The following PTCH2 variants were observed in gnomAD, a reference collection of about 807,000 sequenced individuals.
The protein encoded by PTCH2 is protein patched homolog 2.
Under a neutral mutation model 117.9 loss-of-function variants are expected in PTCH2, and 96 were observed. The ratio of observed to expected loss-of-function variants is 0.81; its 90% CI spans 0.69 to 0.96. PTCH2 has a LOEUF of 0.96. PTCH2 is among the 50% of genes least tolerant of loss of function. The pLI, the probability that PTCH2 is intolerant of heterozygous loss-of-function variation, is 0.00. For synonymous variants in PTCH2, 615 were observed against 660.9 expected (o/e 0.93, Z 1.06); for missense variants, 1,379 against 1,562.5 (o/e 0.88, Z 1.98).
rs770273805 is a variant in PTCH2, at chr1:44,826,893, A to G, written c.2695+9T>C. ...CTGAGGCTCTTGCCGAGCTCCCCCCAAGACTCACTGCGAAGGTTCTCCCCC... is the reference window on the plus strand; with the variant it reads ...CTGAGGCTCTTGCCGAGCTCCCCCCGAGACTCACTGCGAAGGTTCTCCCCC... On this transcript the variant is annotated intron_variant, in intron 17 of 21. Transcript: ENST00000372192. This position sits in a 1 kb window ranked among gnomAD's most constrained non-coding sequence, Gnocchi z 5.1. 1 of 1,613,894 alleles carries G rather than the reference A, an allele frequency of 6.2e-7. No homozygotes were observed. Among genetic ancestry groups the G allele is most frequent in the Non-Finnish European group, 8.5e-7 (1 of 1,179,994 alleles).
Position 44,827,097 on chromosome 1 carries a change from AG to A in PTCH2, c.2515-16del. 1 of 1,613,882 alleles carries A rather than the reference AG, an allele frequency of 6.2e-7. No individual in the cohort carries two copies. The highest frequency in any genetic ancestry group is 8.5e-7 in the Non-Finnish European group (1 of 1,179,874). On this transcript the variant is annotated splice_polypyrimidine_tract_variant and intron_variant, in intron 16 of 21. Coordinates refer to ENST00000372192, the MANE Select transcript of PTCH2 (RefSeq NM_003738.5). ...CTTGTGGTCAGCTGCAGAGGCAGAGAGGGCTGAAGGCCTGGGCCCAGGAGGC... is the reference window on the plus strand; with the variant it reads ...CTTGTGGTCAGCTGCAGAGGCAGAGAGGCTGAAGGCCTGGGCCCAGGAGGC...
At chr1:44,821,920 C>T, downstream of PTCH2, 1 of 1,362,690 alleles carries the variant, frequency 7.3e-7, no homozygotes, top group Non-Finnish European at 9.8e-7. Context: ...CAAAAAAAAG[C>T]ACTGAAGTCA....
rs577206258 is a variant in PTCH2 at position 44,823,660 on chromosome 1, C to A, written c.3115-275G>T. On this transcript the variant is annotated intron_variant, in intron 19 of 21. Transcript: ENST00000372192. This position sits in a 1 kb window ranked among gnomAD's most constrained non-coding sequence, Gnocchi z 5.1. ...CCCTGTCTCTTAAAACAAACAAGCC[C>A]GGGCACGGTGGCTCATGCCTGTAAT... is the stretch of plus-strand genomic sequence containing the variant. Among the ~76,000 whole-genome samples, 2 of 150,804 alleles carry A rather than the reference C, an allele frequency of 1.3e-5. No individual in the cohort carries two copies. The highest frequency in any genetic ancestry group is 3.0e-5 in the Non-Finnish European group (2 of 67,742).
chr1:44,824,973 A>G (rs546438175), intron 19 of PTCH2, among the ~76,000 whole-genome samples: 2 of 151,780 alleles, frequency 1.3e-5, no homozygotes, highest in Admixed American at 6.6e-5. Flanking sequence ...TGCCTGGCCC[A>G]TCCCACAATG....
chr1:44,821,143 A>G (rs886186817), downstream of PTCH2, among the ~76,000 whole-genome samples: 1 of 152,092 alleles, frequency 6.6e-6, no homozygotes. Context: ...GTCTATGTGA[A>G]CTAGACTATG....
At position 44,823,329 on chromosome 1, in the gene PTCH2, G is replaced by T. The variant is rs772273208; in HGVS notation, c.3171C>A (p.His1057Gln). The T allele has an allele frequency of 1.2e-6, 2 of 1,614,234 alleles. No individual in the cohort carries two copies. Among genetic ancestry groups the T allele is most frequent in the Non-Finnish European group, 1.7e-6 (2 of 1,180,042 alleles). The change falls in exon 20 of 22, where the codon CAC becomes CAA. Residue 1057 changes from histidine to glutamine, a missense_variant. Coordinates refer to ENST00000372192, the MANE Select transcript of PTCH2 (RefSeq NM_003738.5). This position sits in a 1 kb window ranked among gnomAD's most constrained non-coding sequence, Gnocchi z 5.1. ...CCCCATCGGTCACGGGGGCAAATGTGTGCTCAAGGGCATGGGCGGCCCGCA... is the reference window on the plus strand; with the variant it reads ...CCCCATCGGTCACGGGGGCAAATGTTTGCTCAAGGGCATGGGCGGCCCGCA... ...RNLRAAHALE[H>Q]TFAPVTDGAI...
chr1:44,840,579 C>T lies in PTCH2; in HGVS notation c.265+1268G>A, dbSNP rs547773264. On this transcript the variant is annotated intron_variant, in intron 2 of 21. Transcript: ENST00000372192. ...TACAAAAATTAGCCAGGCATGGTGT[C>T]GCCCACCTGTAATCTCAGCTACTTT... Among the ~76,000 whole-genome samples, 28 of 151,830 alleles carry T rather than the reference C, an allele frequency of 1.8e-4. No individual in the cohort carries two copies. The South Asian group carries it at 2.1e-3, about 11-fold the overall frequency.
chr1:44,830,021 C>T lies in PTCH2; in HGVS notation c.823G>A (p.Val275Met). The change falls in exon 7 of 22, where the codon GTG (valine) becomes ATG (methionine). Residue 275 changes from valine (V) to methionine (M), a missense_variant. Val to Met is a conservative substitution (Grantham distance 21, BLOSUM62 1). Transcript: ENST00000372192. ...PNHHSRQAPN[V>M]AHELSGGCHG... is the part of the protein sequence containing the mutation. ...CAGCCCCCACTCAGCTCGTGAGCCA[C>T]ATTGGGAGCCTGGAGGGGAACAGGA... The T allele has an allele frequency of 6.2e-7, 1 of 1,614,098 alleles. No individual in the cohort carries two copies. Among genetic ancestry groups the T allele is most frequent in the Non-Finnish European group, 8.5e-7 (1 of 1,180,004 alleles).
At position 44,831,877 on chromosome 1, in the gene PTCH2, T is replaced by A; in HGVS notation, c.526-80A>T. 1 of 1,574,620 alleles carries A rather than the reference T, an allele frequency of 6.4e-7. No homozygotes were observed. The highest frequency in any genetic ancestry group is 8.7e-7 in the Non-Finnish European group (1 of 1,144,358). Reference sequence around the variant, plus strand: ...CCCTCTGCAATCCCCCTCCTTAGTTTTAAGGGGGCAGATTGCAGGCTGTGG... The same window carrying A: ...CCCTCTGCAATCCCCCTCCTTAGTTATAAGGGGGCAGATTGCAGGCTGTGG... On this transcript the variant is annotated intron_variant, in intron 4 of 21. Transcript: ENST00000372192. This position sits in a 1 kb window ranked among gnomAD's most constrained non-coding sequence, Gnocchi z 4.3.
chr1:44,829,117 TG>T (rs766352268), intron 10 of PTCH2, 39 bp downstream of exon 10: 44 of 1,613,608 alleles, frequency 2.7e-5, no homozygotes, highest in South Asian at 1.2e-4. Context: ...CCGTGAAGCC[TG>T]GTGACTGGCA....
chr1:44,819,899 A>G (rs181420462), downstream of PTCH2: 1 of 153,280 alleles, frequency 6.5e-6, no homozygotes, highest in African/African-American at 2.4e-5. Flanking sequence ...AGGAAATAAG[A>G]GGCCTCAAAA....
chr1:44,829,725 A>G lies in PTCH2; in HGVS notation c.972T>C (p.Ser324=), dbSNP rs2148878071. Residue 324 remains serine, a synonymous_variant, in exon 8 of 22, where the codon AGT becomes AGC. Transcript: ENST00000372192. ...EALQSTFLLM[S]PRQLYEHFRG... ...GGAAATGCTCGTACAGCTGGCGGGG[A>G]CTCATCAGCAAGAAGGTGCTCTGCA... The G allele has an allele frequency of 6.2e-7, 1 of 1,614,052 alleles. No individual in the cohort carries two copies. Among genetic ancestry groups the G allele is most frequent in the Non-Finnish European group, 8.5e-7 (1 of 1,179,998 alleles).
In PTCH2 at chr1:44,829,636, G is replaced by A; in HGVS notation, c.1061C>T (p.Ala354Val). Residue 354 changes from alanine (A) to valine (V), a missense_variant, in exon 8 of 22, where the codon GCC (alanine) becomes GTC (valine). Ala to Val is a moderately conservative substitution (Grantham distance 64). Transcript: ENST00000372192. Reference protein sequence around the residue: ...SEEQASTVLQAWQRRFVQLAQ... With the variant: ...SEEQASTVLQVWQRRFVQLAQ... Reference sequence around the variant, plus strand: ...GACCTGCACAAAGCGCCGCTGCCAGGCTTGTAGCACTGTGCTGGCCTGCTC... The same window carrying A: ...GACCTGCACAAAGCGCCGCTGCCAGACTTGTAGCACTGTGCTGGCCTGCTC... The A allele has an allele frequency of 6.2e-7, 1 of 1,614,218 alleles. No homozygotes were observed. The highest frequency in any genetic ancestry group is 8.5e-7 in the Non-Finnish European group (1 of 1,180,046).
Position 44,827,888 on chromosome 1 carries a change from G to A in PTCH2, c.2013C>T (p.Phe671=), listed in dbSNP as rs112563011. ...GCAACGGGGCAAACTGATAGCGGGC[G>A]AAATGGGCAAGATTCCAGCGGGCAC... ...LPCARWNLAH[F]ARYQFAPLLL... is the part of the protein sequence containing the mutation. The change falls in exon 14 of 22, where the codon TTC becomes TTT. Residue 671 remains phenylalanine, a synonymous_variant. Transcript: ENST00000372192. The A allele has an allele frequency of 1.1e-3, 1,809 of 1,614,168 alleles. 1 individual carries two copies. Among genetic ancestry groups the A allele is most frequent in the Admixed American group, 2.0e-3 (123 of 60,026 alleles).
At chr1:44,819,950 T>C (rs148551547), downstream of PTCH2, 2,085 of 153,484 alleles carry the variant, frequency 0.014, 17 homozygotes, top group Non-Finnish European at 0.021. Context: ...ACGGAAATCT[T>C]TAGTAAAAGG....
In PTCH2 at chr1:44,827,827, C is replaced by G. The variant is rs1464606961; in HGVS notation, c.2058+16G>C. On this transcript the variant is annotated intron_variant, in intron 14 of 21. Transcript: ENST00000372192. ...CCAGAGATGCTAAGTCTCTGCCCTG[C>G]TCTGCCCAGTCTTACCTTAGCATGT... The G allele has an allele frequency of 6.2e-7, 1 of 1,613,746 alleles. No homozygotes were observed. Among genetic ancestry groups the G allele is most frequent in the Admixed American group, 1.7e-5 (1 of 59,996 alleles).
chr1:44,827,558 C>T lies in PTCH2; in HGVS notation c.2215G>A (p.Val739Met), dbSNP rs145997436. 6.2e-7 allele frequency: 1 copy of T among 1,614,164 alleles called. No homozygotes were observed. Among genetic ancestry groups the T allele is most frequent in the Admixed American group, 1.7e-5 (1 of 60,032 alleles). ...AQLRYFSLYEVALVTQGGFDY... is the reference protein window; with the variant it reads ...AQLRYFSLYEMALVTQGGFDY... ...AAGCCACCCTGGGTCACCAGGGCCA[C>T]CTCGTACAGGGAGAAGTACCTGAGC... Residue 739 changes from valine to methionine, a missense_variant, in exon 15 of 22, where the codon GTG (valine) becomes ATG (methionine). By Grantham distance (21) the Val-to-Met change is conservative. Coordinates refer to ENST00000372192, the MANE Select transcript of PTCH2 (RefSeq NM_003738.5).
At chr1:44,832,788 A>G (rs1332807840) in intron 2 of PTCH2, among the ~76,000 whole-genome samples, 1 of 152,164 alleles carries the variant, frequency 6.6e-6, no homozygotes, top group Non-Finnish European at 1.5e-5. Context: ...AGGGTTTCCT[A>G]AAAGAACAGG....
intron 21 of PTCH2, 97 bp downstream of exon 21, chr1:44,822,972 C>A: frequency 7.3e-7 from 1 of 1,367,912 alleles, no homozygotes; most frequent in Non-Finnish European, 1.0e-6. Context: ...TGGGGAGGTA[C>A]CTGTCTGTGG....
Sources: allele counts gnomAD v4.1 joint callset (sites outside exome capture counted in the v4.1 genomes callset), GRCh38; gene constraint gnomAD v4.1.1; non-coding constraint Gnocchi (gnomAD v3.1); transcripts MANE v1.5; gene names NCBI Gene and HGNC (gene_info 2026-07-23, HGNC 2026-07-21).